The following AIM2 variants were observed in gnomAD, a reference collection of about 807,000 sequenced individuals.
The protein encoded by AIM2 is absent in melanoma 2, also known as interferon-inducible protein AIM2.
A neutral mutation model predicts 27.7 loss-of-function variants in AIM2; 30 were observed. The observed-to-expected ratio is 1.08, with a 90% CI of 0.81 to 1.47. AIM2 has a LOEUF of 1.47. Ranked by LOEUF, AIM2 falls within the 40% of genes most tolerant of loss-of-function variation. The pLI, the probability that AIM2 is intolerant of heterozygous loss-of-function variation, is 0.00. For synonymous variants in AIM2, 141 were observed against 145.3 expected (o/e 0.97, Z 0.21); for missense variants, 358 against 411.3 (o/e 0.87, Z 1.12).
intron 1 of AIM2, among the ~76,000 whole-genome samples, chr1:159,109,316 C>T (rs185416904): frequency 5.9e-4 from 90 of 152,246 alleles, no homozygotes; most frequent in African/African-American, 2.1e-3. Flanking sequence ...GGAAAGGACA[C>T]CCTATTCAAC....
At chr1:159,139,447 C>A (rs963241896) in intron 1 of AIM2, among the ~76,000 whole-genome samples, 1 of 152,230 alleles carries the variant, frequency 6.6e-6, no homozygotes, top group Admixed American at 6.5e-5. Flanking sequence ...TGAAAACTAA[C>A]ATAGCCTCTA....
At chr1:159,085,658 G>A (rs1333959213) in intron 1 of AIM2, among the ~76,000 whole-genome samples, 1 of 152,228 alleles carries the variant, frequency 6.6e-6, no homozygotes, top group Non-Finnish European at 1.5e-5. Context: ...AGAACAGGAT[G>A]AGACTGTCAG....
intron 1 of AIM2, among the ~76,000 whole-genome samples, chr1:159,085,866 C>T (rs2518562): frequency 0.76 from 116,368 of 152,198 alleles, 47,188 homozygotes; most frequent in Non-Finnish European, 0.89. Flanking sequence ...CACTCAGTGA[C>T]GTAGTGTGTA....
upstream of AIM2, among the ~76,000 whole-genome samples, chr1:159,078,397 C>T (rs182206162): frequency 2.6e-5 from 4 of 152,110 alleles, no homozygotes; most frequent in East Asian, 3.9e-4. Flanking sequence ...TCACACAAGG[C>T]GAAAGAACAC....
chr1:159,092,931 C>A (rs1419371103), intron 1 of AIM2, among the ~76,000 whole-genome samples: 1 of 151,996 alleles, frequency 6.6e-6, no homozygotes, highest in Non-Finnish European at 1.5e-5. Context: ...GAGGCTGAGG[C>A]AGGAAAATTG....
intron 1 of AIM2, among the ~76,000 whole-genome samples, chr1:159,088,679 G>C (rs1656977379): frequency 6.6e-6 from 1 of 152,178 alleles, no homozygotes; most frequent in African/African-American, 2.4e-5. Flanking sequence ...CTCATGAATG[G>C]ATTAATGGCT....
chr1:159,140,696 C>T (rs1298219983), upstream of AIM2, among the ~76,000 whole-genome samples: 1 of 152,154 alleles, frequency 6.6e-6, no homozygotes, highest in African/African-American at 2.4e-5. Context: ...GAGAGCCAGA[C>T]CAGCCCAAAA....
intron 1 of AIM2, among the ~76,000 whole-genome samples, chr1:159,116,444 C>T (rs1647353295): frequency 2.6e-5 from 4 of 152,098 alleles, no homozygotes. Context: ...AAATGTCCAA[C>T]AATGATAGAC....
Position 159,073,448 on chromosome 1 carries a change from T to C in AIM2, c.52A>G (p.Thr18Ala), listed in dbSNP as rs768522855. Residue 18 changes from threonine to alanine, a missense_variant, in exon 2 of 6, where the codon ACT (threonine) becomes GCT (alanine). Transcript: ENST00000368130. ...ILLLTGLDNI[T>A]DEELDRFKFF... Reference sequence around the variant, plus strand: ...TTAAACCTATCCAGTTCCTCATCAGTGATGTTATCCAGGCCTGTTAGCAAG... The same window carrying C: ...TTAAACCTATCCAGTTCCTCATCAGCGATGTTATCCAGGCCTGTTAGCAAG... 5 of 1,614,156 alleles carry C rather than the reference T, an allele frequency of 3.1e-6. No individual in the cohort carries two copies. The Admixed American group carries it at 8.3e-5, about 27-fold the overall frequency.
chr1:159,134,074 G>T (rs1647964585), intron 1 of AIM2, among the ~76,000 whole-genome samples: 1 of 152,148 alleles, frequency 6.6e-6, no homozygotes, highest in African/African-American at 2.4e-5. Context: ...TTAGCGAATG[G>T]TGTGCAAACC....
intron 1 of AIM2, chr1:159,123,385 T>C (rs190233798): frequency 2.6e-4 from 40 of 152,360 alleles, no homozygotes; most frequent in Non-Finnish European, 4.4e-4. Flanking sequence ...GTTGGCCCTT[T>C]CTTGTGATAT....
At chr1:159,104,731 T>G (rs1657392280) in intron 1 of AIM2, among the ~76,000 whole-genome samples, 1 of 152,218 alleles carries the variant, frequency 6.6e-6, no homozygotes, top group Non-Finnish European at 1.5e-5. Context: ...CTGGAAAATT[T>G]TAAATTACAC....
At chr1:159,060,644 T>G (rs1190808934), downstream of AIM2, among the ~76,000 whole-genome samples, 1 of 152,238 alleles carries the variant, frequency 6.6e-6, no homozygotes, top group Non-Finnish European at 1.5e-5. Context: ...TAAAATGAAA[T>G]TAAAATGTAT....
intron 1 of AIM2, among the ~76,000 whole-genome samples, chr1:159,102,977 A>G (rs767009487): frequency 2.0e-5 from 3 of 152,140 alleles, no homozygotes; most frequent in Non-Finnish European, 2.9e-5. Context: ...AGGACATGAG[A>G]TTTGGGAGGG....
At chr1:159,140,034 T>TCCCTTC (rs934849405) in intron 1 of AIM2, among the ~76,000 whole-genome samples, 6 of 152,100 alleles carry the variant, frequency 3.9e-5, no homozygotes, top group Admixed American at 6.6e-5. Context: ...TTTCCTGAAC[T>TCCCTTC]CCCTTCCCCT....
chr1:159,127,250 T>C (rs562269906), intron 1 of AIM2, among the ~76,000 whole-genome samples: 2 of 152,338 alleles, frequency 1.3e-5, no homozygotes, highest in South Asian at 4.1e-4. Context: ...AAATGGTTCA[T>C]ATACATTCCA....
At chr1:159,070,391 C>A (rs1347894944) in intron 2 of AIM2, among the ~76,000 whole-genome samples, 1 of 152,152 alleles carries the variant, frequency 6.6e-6, no homozygotes, top group Non-Finnish European at 1.5e-5. Flanking sequence ...CTAATGCCTA[C>A]AAAATGCAGT....
chr1:159,131,595 A>G (rs1647886297), intron 1 of AIM2, among the ~76,000 whole-genome samples: 1 of 152,216 alleles, frequency 6.6e-6, no homozygotes, highest in Admixed American at 6.5e-5. Context: ...TATTTAAAAA[A>G]ATAATTTGTA....
the AIM2 span, among the ~76,000 whole-genome samples, chr1:159,056,748 A>AAAAAAT: frequency 7.2e-6 from 1 of 138,544 alleles, no homozygotes; most frequent in Non-Finnish European, 1.5e-5. Context: ...AAAAAAAAAA[A>AAAAAAT]CTACCCTTTA....
Sources: allele counts gnomAD v4.1 joint callset (sites outside exome capture counted in the v4.1 genomes callset), GRCh38; gene constraint gnomAD v4.1.1; transcripts MANE v1.5; gene names NCBI Gene and HGNC (gene_info 2026-07-23, HGNC 2026-07-21).